The following RAB9B variants were observed in gnomAD, a reference collection of about 807,000 sequenced individuals.
RAB9B encodes the protein RAB9B, member RAS oncogene family, also known as ras-related protein Rab-9B.
In RAB9B, 1 loss-of-function variant was observed where a neutral mutation model predicts 8.9. That is an observed-to-expected ratio of 0.11 (90% CI 0.04 to 0.53). The LOEUF (loss-of-function observed/expected upper bound fraction) is 0.53, where lower values mean the gene tolerates loss of function less well. Ranked by LOEUF, RAB9B falls within the 20% of genes least tolerant of loss-of-function variation. RAB9B has a pLI of 0.93. For missense variants in RAB9B, 82 were observed against 152.9 expected (o/e 0.54, Z 2.45); for synonymous variants, 63 against 57.0 (o/e 1.10, Z -0.47).
At chrX:103,799,188 T>TA in the RAB9B span, among the ~76,000 whole-genome samples, 1 of 107,621 alleles carries the variant, frequency 9.3e-6, no homozygotes, top group African/African-American at 3.4e-5. Context: ...CTGCTCAAAT[T>TA]TATATATATA....
chrX:103,825,640 G>T lies in RAB9B; in HGVS notation c.145C>A (p.Leu49Met), dbSNP rs770371462. The change falls in exon 3 of 3, where the codon CTG (leucine) becomes ATG (methionine). Residue 49 changes from leucine (L) to methionine (M), a missense_variant. Leu to Met is a conservative substitution (Grantham distance 15). Coordinates refer to ENST00000243298, the MANE Select transcript of RAB9B (RefSeq NM_016370.4). ...GTTACAAAGCGTCCATCTACCTCCA[G>T]ATCTCGATTTAAGAACTCTACCCCT... is the stretch of plus-strand genomic sequence containing the variant. ...TIGVEFLNRD[L>M]EVDGRFVTLQ... 8.3e-7 allele frequency: 1 copy of T among 1,210,753 alleles called. No homozygotes were observed. The highest frequency in any genetic ancestry group is 3.0e-5 in the East Asian group (1 of 33,824).
At position 103,823,702 on chromosome X, in the gene RAB9B, A is replaced by G. The variant is rs1179766113; in HGVS notation, c.*1477T>C. On this transcript the variant is annotated 3_prime_UTR_variant, in exon 3 of 3. Transcript: ENST00000243298. ...TAACTGACAGTCATGGTAATCAAAA[A>G]TTGTCAAACCATTTTTATATTTTAA... is the stretch of plus-strand genomic sequence containing the variant. 1.8e-5 allele frequency: 2 copies of G among 112,507 alleles called. No homozygotes were observed. Among genetic ancestry groups the G allele is most frequent in the African/African-American group, 6.5e-5 (2 of 30,968 alleles). 9.3% of individuals were successfully genotyped at this position (112,507 alleles called of 1,213,427 possible).
the RAB9B span, among the ~76,000 whole-genome samples, chrX:103,812,495 A>G: frequency 6.2e-5 from 7 of 112,004 alleles, no homozygotes; most frequent in Non-Finnish European, 9.4e-5. Context: ...TAGTATGGAC[A>G]CTTAGATTGT....
chrX:103,792,529 C>T, the RAB9B span: 2 of 112,595 alleles, frequency 1.8e-5, no homozygotes, highest in African/African-American at 6.5e-5. Flanking sequence ...GCAATTTTAA[C>T]ACACATAAAG....
chrX:103,815,813 T>C, the RAB9B span, among the ~76,000 whole-genome samples: 1 of 111,639 alleles, frequency 9.0e-6, no homozygotes, highest in Non-Finnish European at 1.9e-5. Flanking sequence ...AGCCAAACTA[T>C]GAGTGAACTC....
At chrX:103,795,258 T>TAA in the RAB9B span, among the ~76,000 whole-genome samples, 4 of 101,649 alleles carry the variant, frequency 3.9e-5, no homozygotes, top group African/African-American at 7.1e-5. Flanking sequence ...AGAGTCATGT[T>TAA]AAAAAAAAAA....
chrX:103,804,456 G>A, the RAB9B span, among the ~76,000 whole-genome samples: 1 of 111,508 alleles, frequency 9.0e-6, no homozygotes, highest in Non-Finnish European at 1.9e-5. Flanking sequence ...ATTCTTTTCC[G>A]AGTTTGTATT....
At chrX:103,797,202 C>T in the RAB9B span, among the ~76,000 whole-genome samples, 4 of 101,749 alleles carry the variant, frequency 3.9e-5, no homozygotes, top group Non-Finnish European at 8.0e-5. Flanking sequence ...ATCCTCTCAC[C>T]TCAGCCTCCA....
the RAB9B span, chrX:103,788,465 C>T: frequency 8.3e-7 from 1 of 1,209,281 alleles, no homozygotes; most frequent in South Asian, 1.8e-5. Context: ...CTTTCCCTGG[C>T]AAGGTTTGTG....
At chrX:103,809,627 C>G in the RAB9B span, among the ~76,000 whole-genome samples, 2 of 111,646 alleles carry the variant, frequency 1.8e-5, no homozygotes, top group Non-Finnish European at 3.8e-5. Context: ...AACCACCTAG[C>G]CTGTGATATT....
At chrX:103,786,106 T>G in the RAB9B span, 1 of 1,084,013 alleles carries the variant, frequency 9.2e-7, no homozygotes, top group South Asian at 2.0e-5. Context: ...CCTCTCCTGT[T>G]CCTAGAACAA....
the RAB9B span, among the ~76,000 whole-genome samples, chrX:103,809,311 T>C: frequency 8.9e-6 from 1 of 112,168 alleles, no homozygotes; most frequent in African/African-American, 3.2e-5. Context: ...CTTTCTTTCT[T>C]TCTTTTTTTA....
At chrX:103,784,856 C>T in the RAB9B span, among the ~76,000 whole-genome samples, 7 of 111,983 alleles carry the variant, frequency 6.3e-5, no homozygotes, top group Admixed American at 4.7e-4. Context: ...CTCTTCATAT[C>T]CCGTATAACA....
downstream of RAB9B, among the ~76,000 whole-genome samples, chrX:103,820,951 AACAC>A (rs777837640): frequency 4.3e-4 from 23 of 53,299 alleles, no homozygotes; most frequent in East Asian, 7.3e-3. Context: ...CCCTGTCTCA[AACAC>A]ACACACACAC....
the RAB9B span, chrX:103,791,107 C>T: frequency 8.4e-6 from 1 of 119,201 alleles, no homozygotes; most frequent in Non-Finnish European, 1.8e-5. Flanking sequence ...AAAAGAATGT[C>T]AGAAAAACAA....
At chrX:103,819,596 C>G (rs1178778099), downstream of RAB9B, among the ~76,000 whole-genome samples, 3 of 111,440 alleles carry the variant, frequency 2.7e-5, no homozygotes, top group Admixed American at 9.6e-5. Flanking sequence ...AACCCTTTCA[C>G]ACATTATTAC....
At chrX:103,786,821 C>A in the RAB9B span, 1 of 934,448 alleles carries the variant, frequency 1.1e-6, no homozygotes, top group Non-Finnish European at 1.5e-6. Flanking sequence ...TGGGTCCTCT[C>A]TAGGGGCCTG....
downstream of RAB9B, among the ~76,000 whole-genome samples, chrX:103,821,495 C>T (rs2074660633): frequency 1.8e-5 from 2 of 111,561 alleles, no homozygotes; most frequent in Non-Finnish European, 3.8e-5. Flanking sequence ...ACTATATATG[C>T]TGTGGAAAGA....
the RAB9B span, chrX:103,786,019 C>A: frequency 1.5e-6 from 1 of 689,525 alleles, no homozygotes; most frequent in Non-Finnish European, 2.0e-6. Flanking sequence ...GTTCTGACTT[C>A]TGCTAGGTGT....
Sources: allele counts gnomAD v4.1 joint callset (sites outside exome capture counted in the v4.1 genomes callset), GRCh38; gene constraint gnomAD v4.1.1; transcripts MANE v1.5; gene names NCBI Gene and HGNC (gene_info 2026-07-23, HGNC 2026-07-21).